CMKLR1: variants seen among roughly 807,000 people sequenced by gnomAD.
The protein encoded by CMKLR1 is chemerin-like receptor 1.
Under a neutral mutation model 8.2 loss-of-function variants are expected in CMKLR1, and 6 were observed. That is an observed-to-expected ratio of 0.73 (90% CI 0.40 to 1.44). CMKLR1 has a LOEUF of 1.44. Among genes scored for constraint, CMKLR1 ranks in the 40% most tolerant of loss-of-function variants. The pLI, the probability that CMKLR1 is intolerant of heterozygous loss-of-function variation, is 0.02. For missense variants in CMKLR1, 429 were observed against 478.0 expected (o/e 0.90, Z 0.96); for synonymous variants, 178 against 181.2 (o/e 0.98, Z 0.14).
chr12:108,308,889 C>A (rs1891479042), intron 2 of CMKLR1, among the ~76,000 whole-genome samples: 2 of 152,178 alleles, frequency 1.3e-5, no homozygotes, highest in African/African-American at 2.4e-5. Flanking sequence ...CAGCAGGGAA[C>A]AAACCAGACA....
intron 2 of CMKLR1, among the ~76,000 whole-genome samples, chr12:108,303,696 C>T (rs762067341): frequency 6.6e-6 from 1 of 152,124 alleles, no homozygotes; most frequent in Non-Finnish European, 1.5e-5. Context: ...TCCCAAGGGC[C>T]CCCAGAAAAT....
chr12:108,307,059 A>G (rs757055028), intron 2 of CMKLR1, among the ~76,000 whole-genome samples: 1 of 151,990 alleles, frequency 6.6e-6, no homozygotes, highest in Non-Finnish European at 1.5e-5. Context: ...CCTGTAAACA[A>G]ATTTTCTCCC....
chr12:108,312,718 G>A (rs1203201737), intron 2 of CMKLR1, among the ~76,000 whole-genome samples: 1 of 152,176 alleles, frequency 6.6e-6, no homozygotes, highest in Admixed American at 6.5e-5. Context: ...CTTCAGTGAC[G>A]GTCACTGTCC....
chr12:108,323,574 C>T (rs1381290138), intron 2 of CMKLR1, among the ~76,000 whole-genome samples: 1 of 152,144 alleles, frequency 6.6e-6, no homozygotes, highest in Non-Finnish European at 1.5e-5. Context: ...GGGTTTTAGT[C>T]CTGACTCTGC....
intron 2 of CMKLR1, among the ~76,000 whole-genome samples, chr12:108,301,367 T>A (rs960936584): frequency 2.6e-5 from 4 of 152,088 alleles, no homozygotes; most frequent in African/African-American, 9.7e-5. Flanking sequence ...TGAGCCACCG[T>A]GCTCGGCCGC....
chr12:108,299,076 G>T (rs1891203295), intron 2 of CMKLR1, among the ~76,000 whole-genome samples: 1 of 152,352 alleles, frequency 6.6e-6, no homozygotes, highest in Non-Finnish European at 1.5e-5. Flanking sequence ...TGCTGTGCAG[G>T]ACTAGAATAG....
rs879355530 is a variant in CMKLR1 at position 108,292,571 on chromosome 12, G to A, written c.392C>T (p.Thr131Ile). 1.9e-6 allele frequency: 3 copies of A among 1,614,080 alleles called. No homozygotes were observed. Among genetic ancestry groups the A allele is most frequent in the Non-Finnish European group, 1.7e-6 (2 of 1,180,052 alleles). The change falls in exon 4 of 4, where the codon ACC becomes ATC. Residue 131 changes from threonine (T) to isoleucine (I), a missense_variant. Coordinates refer to ENST00000550402, the MANE Select transcript of CMKLR1 (RefSeq NM_001142343.2). ...HNMFTSVFLL[T>I]IISSDRCISV... ...GATGCAGCGGTCAGAGCTGATGATG[G>A]TCAGCAGGAAGACGCTGGTGAACAT...
At chr12:108,338,220 G>A (rs757770206) in intron 1 of CMKLR1, among the ~76,000 whole-genome samples, 4 of 152,068 alleles carry the variant, frequency 2.6e-5, no homozygotes, top group Admixed American at 1.3e-4. Context: ...AGAGAGTGCC[G>A]GCAAAGGTTT....
At chr12:108,323,955 T>TC (rs1891921820) in intron 2 of CMKLR1, among the ~76,000 whole-genome samples, 1 of 152,150 alleles carries the variant, frequency 6.6e-6, no homozygotes, top group Non-Finnish European at 1.5e-5. Context: ...CACAGAGGAC[T>TC]ACTTCCAGCT....
intron 2 of CMKLR1, among the ~76,000 whole-genome samples, chr12:108,321,561 T>G (rs1387796121): frequency 6.6e-6 from 1 of 152,192 alleles, no homozygotes; most frequent in Non-Finnish European, 1.5e-5. Context: ...CCCCTAACTC[T>G]GACTCTGCTG....
intron 2 of CMKLR1, among the ~76,000 whole-genome samples, chr12:108,298,530 C>T (rs778240031): frequency 3.3e-5 from 5 of 152,206 alleles, no homozygotes; most frequent in East Asian, 1.9e-4. Context: ...TACACCAGGC[C>T]GTCCAGCTCC....
At chr12:108,319,664 G>A (rs1891813100) in intron 2 of CMKLR1, among the ~76,000 whole-genome samples, 1 of 152,080 alleles carries the variant, frequency 6.6e-6, no homozygotes, top group Admixed American at 6.5e-5. Context: ...CTGGCCCATG[G>A]TATGTTCTCA....
At chr12:108,321,255 A>G (rs963850858) in intron 2 of CMKLR1, among the ~76,000 whole-genome samples, 3 of 152,170 alleles carry the variant, frequency 2.0e-5, no homozygotes, top group African/African-American at 7.2e-5. Flanking sequence ...GAGGGTTGCC[A>G]AAAACCTCAC....
rs779723243 is a variant in CMKLR1, at chr12:108,290,224, T to C, written c.*1617A>G. 5 of 152,174 alleles carry C rather than the reference T, an allele frequency of 3.3e-5. No individual in the cohort carries two copies. The highest frequency in any genetic ancestry group is 7.3e-5 in the Non-Finnish European group (5 of 68,036). 9.4% of individuals were successfully genotyped at this position (152,174 alleles called of 1,614,324 possible). A position where few individuals can be genotyped will look rare whatever the true frequency, so the allele number is the denominator to read the frequency against. ...GAAAAATCAATATTTATGGCAAAAATCTCCAAACTTTTTAAGTCCTTCCCA... is the reference window on the plus strand; with the variant it reads ...GAAAAATCAATATTTATGGCAAAAACCTCCAAACTTTTTAAGTCCTTCCCA... On this transcript the variant is annotated 3_prime_UTR_variant, in exon 4 of 4. Transcript: ENST00000550402.
intron 2 of CMKLR1, among the ~76,000 whole-genome samples, chr12:108,297,442 G>A (rs1017880097): frequency 2.6e-5 from 4 of 152,186 alleles, no homozygotes; most frequent in African/African-American, 7.2e-5. Context: ...GTTATATGTG[G>A]ATTTTTGACT....
At chr12:108,324,950 C>T (rs1566028839) in intron 2 of CMKLR1, among the ~76,000 whole-genome samples, 1 of 152,204 alleles carries the variant, frequency 6.6e-6, no homozygotes, top group African/African-American at 2.4e-5. Context: ...AGAACACTCC[C>T]ACCGGGAATA....
chr12:108,310,185 G>A (rs146946871), intron 2 of CMKLR1, among the ~76,000 whole-genome samples: 7,325 of 151,834 alleles, frequency 0.048, 395 homozygotes, highest in Admixed American at 0.18. Context: ...GTGTGTGTGT[G>A]TGTGTGTGTG....
At chr12:108,303,733 T>G (rs1891336233) in intron 2 of CMKLR1, among the ~76,000 whole-genome samples, 1 of 152,116 alleles carries the variant, frequency 6.6e-6, no homozygotes, top group Admixed American at 6.5e-5. Flanking sequence ...AGGGTGTGCA[T>G]TTTACAGACG....
chr12:108,336,539 C>A (rs905683201), intron 1 of CMKLR1, among the ~76,000 whole-genome samples: 12 of 151,234 alleles, frequency 7.9e-5, no homozygotes, highest in African/African-American at 2.9e-4. Flanking sequence ...GAGCGAGACT[C>A]CATCTCCAGG....
Sources: allele counts gnomAD v4.1 joint callset (sites outside exome capture counted in the v4.1 genomes callset), GRCh38; gene constraint gnomAD v4.1.1; transcripts MANE v1.5; gene names NCBI Gene and HGNC (gene_info 2026-07-23, HGNC 2026-07-21).